The following CSMD1 variants were observed in gnomAD, a reference collection of about 807,000 sequenced individuals.
CSMD1 encodes the protein CUB and sushi domain-containing protein 1.
In CSMD1, 213 loss-of-function variants were observed where a neutral mutation model predicts 417.5. That is an observed-to-expected ratio of 0.51 (90% CI 0.46 to 0.57). CSMD1 has a LOEUF of 0.57. Among genes scored for constraint, CSMD1 ranks in the 20% least tolerant of loss-of-function variants. The pLI, the probability that CSMD1 is intolerant of heterozygous loss-of-function variation, is 0.00. For synonymous variants in CSMD1, 2,862 were observed against 1,736.8 expected, an observed-to-expected ratio of 1.65 and a Z score of -16.11; for missense variants, 6,923 against 4,529.7, an observed-to-expected ratio of 1.53 and a Z score of -15.17.
At chr8:4,131,469 T>G (rs146129936) in intron 3 of CSMD1, among the ~76,000 whole-genome samples, 5 of 152,304 alleles carry the variant, frequency 3.3e-5, no homozygotes, top group Non-Finnish European at 5.9e-5. Flanking sequence ...TCTTAAAAAA[T>G]AAAAGTTTGA....
intron 17 of CSMD1, among the ~76,000 whole-genome samples, chr8:3,393,583 A>C (rs35708682): frequency 0.47 from 71,537 of 151,882 alleles, 17,272 homozygotes; most frequent in African/African-American, 0.56. Context: ...AGACTTGGAA[A>C]CAACCCAAAT....
intron 3 of CSMD1, among the ~76,000 whole-genome samples, chr8:4,061,484 A>G (rs953632635): frequency 6.6e-6 from 1 of 152,208 alleles, no homozygotes; most frequent in South Asian, 2.1e-4. Context: ...TGGCAAAAGG[A>G]GTTTAAATAA....
rs145195235 is a variant in CSMD1, at chr8:3,918,774, C to T, written c.818+79129G>A. On this transcript the variant is annotated intron_variant, in intron 5 of 69. Coordinates refer to ENST00000635120, the MANE Select transcript of CSMD1 (RefSeq NM_033225.6). ...TATTCTTCTAAGTGAAGTAACTCAGCAATGGAAAACCAAACATTTTATGTT... is the reference window on the plus strand; with the variant it reads ...TATTCTTCTAAGTGAAGTAACTCAGTAATGGAAAACCAAACATTTTATGTT... Among the ~76,000 whole-genome samples, 55 of 152,118 alleles carry T rather than the reference C, an allele frequency of 3.6e-4. No individual in the cohort carries two copies. The East Asian group carries it at 6.2e-3, about 17-fold the overall frequency.
intron 3 of CSMD1, among the ~76,000 whole-genome samples, chr8:4,335,035 G>A (rs922759179): frequency 1.2e-4 from 19 of 152,050 alleles, no homozygotes; most frequent in Non-Finnish European, 2.6e-4. Context: ...CTTAGTAGCT[G>A]GGACCACAGA....
At chr8:4,845,904 A>G (rs1432130053) in intron 1 of CSMD1, among the ~76,000 whole-genome samples, 2 of 152,236 alleles carry the variant, frequency 1.3e-5, no homozygotes, top group Admixed American at 6.5e-5. Context: ...AACTAAAATG[A>G]CAAGGTTACG....
intron 1 of CSMD1, among the ~76,000 whole-genome samples, chr8:4,782,367 T>C (rs1463109246): frequency 6.6e-6 from 1 of 152,192 alleles, no homozygotes; most frequent in Non-Finnish European, 1.5e-5. Flanking sequence ...TTATACCCCA[T>C]AAATATGTAC....
intron 23 of CSMD1, among the ~76,000 whole-genome samples, chr8:3,316,471 G>A (rs1421229934): frequency 6.6e-6 from 1 of 152,138 alleles, no homozygotes; most frequent in Non-Finnish European, 1.5e-5. Context: ...TGGTTTGCGT[G>A]AAGGTTGAGA....
intron 52 of CSMD1, among the ~76,000 whole-genome samples, chr8:3,001,366 A>T (rs954011274): frequency 6.6e-6 from 1 of 151,448 alleles, no homozygotes; most frequent in African/African-American, 2.4e-5. Context: ...CTTTCCTCCA[A>T]CTTCTCCTTT....
At chr8:3,841,021 T>C (rs114372538) in intron 5 of CSMD1, among the ~76,000 whole-genome samples, 30 of 152,160 alleles carry the variant, frequency 2.0e-4, no homozygotes, top group African/African-American at 6.7e-4. Flanking sequence ...ATCTCAATTC[T>C]TTGGTACATG....
chr8:4,675,768 G>T (rs1322637774), intron 1 of CSMD1, among the ~76,000 whole-genome samples: 1 of 152,124 alleles, frequency 6.6e-6, no homozygotes, highest in South Asian at 2.1e-4. Flanking sequence ...CTTGTCAACA[G>T]TAAGCCTGTG....
intron 46 of CSMD1, among the ~76,000 whole-genome samples, chr8:3,099,020 G>A (rs376595472): frequency 2.6e-5 from 4 of 151,626 alleles, no homozygotes; most frequent in East Asian, 1.9e-4. Flanking sequence ...CGGTACTGCC[G>A]ACACTCCCCC....
intron 2 of CSMD1, among the ~76,000 whole-genome samples, chr8:4,610,175 C>A (rs1436854351): frequency 6.6e-6 from 1 of 152,118 alleles, no homozygotes; most frequent in Non-Finnish European, 1.5e-5. Flanking sequence ...CTTTCTTCTA[C>A]TTCATTTAAA....
In CSMD1 at chr8:4,695,939, T is replaced by C. The variant is rs1302702896; in HGVS notation, c.86-58381A>G. On this transcript the variant is annotated intron_variant, in intron 1 of 69. Coordinates refer to ENST00000635120, the MANE Select transcript of CSMD1 (RefSeq NM_033225.6). ...ATTTAAAATTACCATAGGATCTACA[T>C]GAAAGCCGGCTGTGGTTAGAGACTT... 2.0e-5 allele frequency among the ~76,000 whole-genome samples: 3 copies of C among 152,198 alleles called. No individual in the cohort carries two copies. The East Asian group carries it at 5.8e-4, about 29-fold the overall frequency.
intron 2 of CSMD1, among the ~76,000 whole-genome samples, chr8:4,477,894 G>T (rs1211298700): frequency 6.6e-6 from 1 of 152,094 alleles, no homozygotes; most frequent in African/African-American, 2.4e-5. Flanking sequence ...TTTATAACTG[G>T]TGGCAAAACC....
chr8:3,310,351 CGGGTTTGG>C (rs1411545262), intron 23 of CSMD1, among the ~76,000 whole-genome samples: 1 of 149,630 alleles, frequency 6.7e-6, no homozygotes, highest in African/African-American at 2.4e-5. Flanking sequence ...ACTGGGTTTG[CGGGTTTGG>C]AAGTGACAGC....
intron 26 of CSMD1, among the ~76,000 whole-genome samples, chr8:3,251,763 T>A (rs915908424): frequency 1.1e-4 from 17 of 152,216 alleles, no homozygotes; most frequent in African/African-American, 4.1e-4. Context: ...GTAGTTCTCC[T>A]TGAAGAGGTC....
intron 4 of CSMD1, among the ~76,000 whole-genome samples, chr8:4,006,937 C>G (rs184334431): frequency 3.4e-5 from 5 of 147,362 alleles, no homozygotes; most frequent in Non-Finnish European, 7.4e-5. Flanking sequence ...AAGCGATTCT[C>G]CTGCTTCAGA....
chr8:4,468,644 C>A (rs1800336093), intron 2 of CSMD1, among the ~76,000 whole-genome samples: 1 of 152,156 alleles, frequency 6.6e-6, no homozygotes, highest in Admixed American at 6.5e-5. Context: ...GGTCCATATC[C>A]TACTAAACCT....
chr8:4,465,419 T>G (rs777773775), intron 2 of CSMD1, among the ~76,000 whole-genome samples: 4 of 152,144 alleles, frequency 2.6e-5, no homozygotes, highest in Non-Finnish European at 5.9e-5. Context: ...TGAAGGAGCC[T>G]TGTACGTTCA....
Sources: allele counts gnomAD v4.1 joint callset (sites outside exome capture counted in the v4.1 genomes callset), GRCh38; gene constraint gnomAD v4.1.1; transcripts MANE v1.5; gene names NCBI Gene and HGNC (gene_info 2026-07-23, HGNC 2026-07-21).